Variants in ADAMTSL1 observed in about 807,000 individuals in gnomAD.
The protein encoded by ADAMTSL1 is ADAMTS like 1.
A neutral mutation model predicts 201.8 loss-of-function variants in ADAMTSL1; 126 were observed. The observed-to-expected ratio is 0.62, with a 90% CI of 0.54 to 0.72. The LOEUF is 0.72. Ranked by LOEUF, ADAMTSL1 falls within the 30% of genes least tolerant of loss-of-function variation. The pLI, the probability that ADAMTSL1 is intolerant of heterozygous loss-of-function variation, is 0.00. For synonymous variants in ADAMTSL1, 1,121 were observed against 903.4 expected (o/e 1.24, Z -4.32); for missense variants, 2,679 against 2,277.8 (o/e 1.18, Z -3.59).
intron 1 of ADAMTSL1, among the ~76,000 whole-genome samples, chr9:18,042,399 T>G (rs1195960137): frequency 3.3e-5 from 5 of 152,134 alleles, no homozygotes. Context: ...GCAACTTTCA[T>G]GGACTATCTC....
intron 13 of ADAMTSL1, among the ~76,000 whole-genome samples, chr9:18,696,931 G>A (rs563596444): frequency 6.8e-6 from 1 of 147,232 alleles, no homozygotes; most frequent in East Asian, 2.0e-4. Flanking sequence ...CCAGGCTGGA[G>A]TGCAGTGGTG....
At chr9:18,195,432 T>C (rs1829136798) in intron 2 of ADAMTSL1, among the ~76,000 whole-genome samples, 1 of 152,146 alleles carries the variant, frequency 6.6e-6, no homozygotes, top group African/African-American at 2.4e-5. Context: ...TGTAGTCTTA[T>C]CTTTCTTATG....
intron 1 of ADAMTSL1, among the ~76,000 whole-genome samples, chr9:18,107,552 GA>G (rs1407950418): frequency 2.0e-5 from 3 of 152,174 alleles, no homozygotes; most frequent in South Asian, 4.1e-4. Context: ...AAAATAACAT[GA>G]TTTTTTTTTA....
At chr9:18,698,366 C>G (rs1479912308) in intron 13 of ADAMTSL1, among the ~76,000 whole-genome samples, 1 of 152,102 alleles carries the variant, frequency 6.6e-6, no homozygotes, top group East Asian at 1.9e-4. Context: ...TCACTGCAAC[C>G]TCCACCTCCT....
intron 1 of ADAMTSL1, among the ~76,000 whole-genome samples, chr9:17,943,164 A>G (rs1049978827): frequency 2.0e-5 from 3 of 150,462 alleles, no homozygotes; most frequent in Non-Finnish European, 4.4e-5. Flanking sequence ...CTGTTCTTGA[A>G]CTCCTGGGTT....
At chr9:18,821,227 T>C (rs561978633) in intron 21 of ADAMTSL1, among the ~76,000 whole-genome samples, 1 of 152,170 alleles carries the variant, frequency 6.6e-6, no homozygotes, top group Non-Finnish European at 1.5e-5. Context: ...AAATGTATAA[T>C]GGCTCAAATA....
chr9:18,900,933 C>G (rs7874517), intron 26 of ADAMTSL1, among the ~76,000 whole-genome samples: 1 of 151,914 alleles, frequency 6.6e-6, no homozygotes, highest in Non-Finnish European at 1.5e-5. Context: ...AAAGAAAGAA[C>G]TATCAAAGAC....
intron 17 of ADAMTSL1, among the ~76,000 whole-genome samples, chr9:18,774,474 G>T (rs1183887908): frequency 2.0e-5 from 3 of 151,368 alleles, no homozygotes; most frequent in Admixed American, 2.0e-4. Flanking sequence ...CTGTTTCTCT[G>T]CACCCACCCA....
In ADAMTSL1 at chr9:18,574,682, T is replaced by C. The variant is rs141977618; in HGVS notation, c.474+416T>C. Among the ~76,000 whole-genome samples, 8 of 152,042 alleles carry C rather than the reference T, an allele frequency of 5.3e-5. No individual in the cohort carries two copies. The East Asian group carries it at 1.4e-3, about 26-fold the overall frequency. ...AAATCAGGTAAGACCAATTCTAAAATCCCCAAGTAAACTGTAGGAAAACTT... is the reference window on the plus strand; with the variant it reads ...AAATCAGGTAAGACCAATTCTAAAACCCCCAAGTAAACTGTAGGAAAACTT... On this transcript the variant is annotated intron_variant, in intron 4 of 28. Transcript: ENST00000380548.
intron 1 of ADAMTSL1, among the ~76,000 whole-genome samples, chr9:18,140,866 T>A (rs187250716): frequency 2.0e-5 from 3 of 152,294 alleles, no homozygotes; most frequent in Admixed American, 2.0e-4. Context: ...ATAGTTAATG[T>A]GACAGAGCTG....
chr9:18,674,217 CACACAA>C (rs759397463), intron 9 of ADAMTSL1, among the ~76,000 whole-genome samples: 81 of 145,820 alleles, frequency 5.6e-4, no homozygotes, highest in South Asian at 1.3e-3. Flanking sequence ...CACACACACA[CACACAA>C]ACACACACAT....
chr9:18,645,482 G>A (rs1384244789), intron 7 of ADAMTSL1, among the ~76,000 whole-genome samples: 1 of 150,788 alleles, frequency 6.6e-6, no homozygotes, highest in Non-Finnish European at 1.5e-5. Flanking sequence ...GTCCTGAATG[G>A]TAATGCCTAG....
chr9:17,986,392 T>C (rs1161063681), intron 1 of ADAMTSL1, among the ~76,000 whole-genome samples: 1 of 152,010 alleles, frequency 6.6e-6, no homozygotes, highest in Non-Finnish European at 1.5e-5. Flanking sequence ...CCAGGACTTT[T>C]GAAGACATAC....
intron 2 of ADAMTSL1, among the ~76,000 whole-genome samples, chr9:18,532,994 A>T (rs1013242706): frequency 3.3e-5 from 5 of 152,010 alleles, no homozygotes; most frequent in Non-Finnish European, 1.5e-5. Flanking sequence ...TTAAATATGC[A>T]CTAAATACTT....
At chr9:18,137,236 T>C (rs1826196680) in intron 1 of ADAMTSL1, among the ~76,000 whole-genome samples, 1 of 152,186 alleles carries the variant, frequency 6.6e-6, no homozygotes, top group Admixed American at 6.5e-5. Context: ...ATTGGCAGAT[T>C]TTCTTTCATT....
intron 15 of ADAMTSL1, among the ~76,000 whole-genome samples, chr9:18,730,264 C>G (rs760024977): frequency 6.6e-6 from 1 of 152,080 alleles, no homozygotes; most frequent in Admixed American, 6.6e-5. Context: ...TTACTATGTT[C>G]CTTAAACTTG....
chr9:18,285,225 C>T (rs1476454845), intron 2 of ADAMTSL1, among the ~76,000 whole-genome samples: 2 of 152,072 alleles, frequency 1.3e-5, no homozygotes, highest in Non-Finnish European at 2.9e-5. Flanking sequence ...ATCATATATG[C>T]CAATTTTATA....
At chr9:18,629,476 T>C (rs1826605732) in intron 5 of ADAMTSL1, among the ~76,000 whole-genome samples, 1 of 152,214 alleles carries the variant, frequency 6.6e-6, no homozygotes, top group Non-Finnish European at 1.5e-5. Flanking sequence ...TTTTATTAAA[T>C]TCTCTTTTAC....
At chr9:18,298,164 T>C (rs1467017627) in intron 2 of ADAMTSL1, among the ~76,000 whole-genome samples, 1 of 151,998 alleles carries the variant, frequency 6.6e-6, no homozygotes, top group Non-Finnish European at 1.5e-5. Flanking sequence ...GGGTGGAGGG[T>C]AGAATAAAAG....
Sources: allele counts gnomAD v4.1 joint callset (sites outside exome capture counted in the v4.1 genomes callset), GRCh38; gene constraint gnomAD v4.1.1; transcripts MANE v1.5; gene names NCBI Gene and HGNC (gene_info 2026-07-23, HGNC 2026-07-21).